Variants in POLD2 observed in about 807,000 individuals in gnomAD.
POLD2 encodes DNA polymerase delta 2, accessory subunit.
In POLD2, 31 loss-of-function variants were observed where a neutral mutation model predicts 48.8. That is an observed-to-expected ratio of 0.64 (90% confidence interval 0.48 to 0.86). The LOEUF is 0.86. Among genes scored for constraint, POLD2 ranks in the 40% least tolerant of loss-of-function variants. POLD2 has a pLI of 0.00. For synonymous variants in POLD2, 233 were observed against 256.3 expected, an observed-to-expected ratio of 0.91 and a Z score of 0.87; for missense variants, 455 against 610.1, an observed-to-expected ratio of 0.75 and a Z score of 2.68.
chr7:44,115,056 A>G, intron 10 of POLD2, 111 bp from the exon 11 acceptor site: 1 of 991,768 alleles, frequency 1.0e-6, no homozygotes, highest in Non-Finnish European at 1.5e-6. Context: ...GGGCAGTGAC[A>G]ATAGGAGACC....
At chr7:44,123,680 C>T (rs1055355662), upstream of POLD2, 49 of 1,356,878 alleles carry the variant, frequency 3.6e-5, no homozygotes, top group Admixed American at 2.8e-4. Flanking sequence ...TGCGCCCAGT[C>T]CCTGGGACGC....
chr7:44,114,849 G>T lies in POLD2; in HGVS notation c.1346C>A (p.Pro449His), dbSNP rs749139456. ...LVNLRSLACQPISFSGFGAED... is the reference protein window; with the variant it reads ...LVNLRSLACQHISFSGFGAED... Reference sequence around the variant, plus strand: ...TGCCCCGAAGCCCGAGAAGCTGATGGGCTGGCAGGCCAGGCTGCGCAGGTT... The same window carrying T: ...TGCCCCGAAGCCCGAGAAGCTGATGTGCTGGCAGGCCAGGCTGCGCAGGTT... The change falls in exon 11 of 11, where the codon CCC becomes CAC. Residue 449 changes from proline to histidine, a missense_variant. Coordinates refer to ENST00000610533, the MANE Select transcript of POLD2 (RefSeq NM_006230.4). 6.2e-7 allele frequency: 1 copy of T among 1,614,016 alleles called. No individual in the cohort carries two copies. Among genetic ancestry groups the T allele is most frequent in the Non-Finnish European group, 8.5e-7 (1 of 1,179,906 alleles).
upstream of POLD2, chr7:44,123,678 G>T: frequency 7.4e-7 from 1 of 1,359,460 alleles, no homozygotes; most frequent in African/African-American, 1.5e-5. Context: ...TGTGCGCCCA[G>T]TCCCTGGGAC....
rs111931363 is a variant in POLD2, at chr7:44,115,644, TCTC to T, written c.1147+119_1147+121del. 8.4e-4 allele frequency: 961 copies of T among 1,145,480 alleles called. 3 individuals carry two copies. In the African/African-American group the frequency reaches 0.013, roughly 16 times the overall value. The allele number at this position is 1,145,480 out of a possible 1,614,324, so 71.0% of individuals were successfully genotyped here. ...AGAGCAGGTGCCAAGCCTCTGAACTTCTCCTCAGACAGTTCTCAGCAATGCTGG... is the reference window on the plus strand; with the variant it reads ...AGAGCAGGTGCCAAGCCTCTGAACTTCTCAGACAGTTCTCAGCAATGCTGG... On this transcript the variant is annotated intron_variant, in intron 9 of 10. Transcript: ENST00000610533.
chr7:44,116,343 C>T lies in POLD2; in HGVS notation c.862-71G>A. 4.4e-6 allele frequency: 7 copies of T among 1,599,584 alleles called. No homozygotes were observed. The highest frequency in any genetic ancestry group is 5.1e-6 in the Non-Finnish European group (6 of 1,170,530). On this transcript the variant is annotated intron_variant, in intron 7 of 10. Transcript: ENST00000610533. This position sits in a 1 kb window ranked among gnomAD's most constrained non-coding sequence, Gnocchi z 6.1. The stretch of plus-strand genomic sequence containing the variant: ...CCCCTACACCAACTCCGGCCACTCC[C>T]CCTGCCCTCCTGCCTGCCTTCTGTT...
intron 2 of POLD2, among the ~76,000 whole-genome samples, chr7:44,120,255 C>T (rs190413744): frequency 1.3e-5 from 2 of 152,338 alleles, no homozygotes; most frequent in East Asian, 1.9e-4. Flanking sequence ...AAATCGCTAT[C>T]GTCCATCACT....
In POLD2 at chr7:44,116,546, C is replaced by T. The variant is rs925587327; in HGVS notation, c.781-36G>A. 7.3e-6 allele frequency: 11 copies of T among 1,514,892 alleles called. No homozygotes were observed. Among genetic ancestry groups the T allele is most frequent in the East Asian group, 4.9e-5 (2 of 41,222 alleles). The allele number at this position is 1,514,892 out of a possible 1,614,324, so 93.8% of individuals were successfully genotyped here. On this transcript the variant is annotated intron_variant, in intron 6 of 10. Transcript: ENST00000610533. The surrounding 1 kb of genome is among the most constrained non-coding windows in gnomAD (Gnocchi z 6.1). ...AGCCCAGAAGGCCATCAGGCCCAGG[C>T]GAGTCCCAGGCTCAGAGGAGAGTAG... is the stretch of plus-strand genomic sequence containing the variant.
At chr7:44,118,638 G>A (rs573394008) in intron 2 of POLD2, among the ~76,000 whole-genome samples, 10 of 152,078 alleles carry the variant, frequency 6.6e-5, no homozygotes, top group African/African-American at 1.4e-4. Flanking sequence ...TCAGCCTCCC[G>A]AGTAGCTGGG....
intron 3 of POLD2, 23 bp downstream of exon 3, chr7:44,117,920 C>A (rs1229510926): frequency 6.2e-7 from 1 of 1,611,628 alleles, no homozygotes; most frequent in Admixed American, 1.7e-5. Context: ...CTGGCGGCCC[C>A]ACTGTGTAGC....
chr7:44,116,916 C>T lies in POLD2; in HGVS notation c.681G>A (p.Gly227=). The T allele has an allele frequency of 6.2e-7, 1 of 1,613,884 alleles. No homozygotes were observed. Among genetic ancestry groups the T allele is most frequent in the Non-Finnish European group, 8.5e-7 (1 of 1,179,994 alleles). Residue 227 remains glycine, a synonymous_variant, in exon 6 of 11, where the codon GGG becomes GGA. Transcript: ENST00000610533. The surrounding 1 kb of genome is among the most constrained non-coding windows in gnomAD (Gnocchi z 6.1). ...LLVDVVTGQL[G]DEGEQCSAAH... is the part of the protein sequence containing the mutation. ...CGGCGCTGCACTGCTCCCCTTCGTC[C>T]CCAAGCTGCCCCGTCACCACATCCA... is the stretch of plus-strand genomic sequence containing the variant.
At chr7:44,123,478 C>A (rs915580252) in intron 1 of POLD2, 33 bp downstream of exon 1, 40 of 1,497,088 alleles carry the variant, frequency 2.7e-5, no homozygotes, top group South Asian at 5.0e-5. Flanking sequence ...ACTGCCACCC[C>A]CAGCTGACCC....
rs1258176104 is a variant in POLD2 at position 44,116,764 on chromosome 7, C to G, written c.780+53G>C. 12 of 1,587,850 alleles carry G rather than the reference C, an allele frequency of 7.6e-6. No homozygotes were observed. Among genetic ancestry groups the G allele is most frequent in the Non-Finnish European group, 1.0e-5 (12 of 1,160,048 alleles). ...CTCGCCCTGGGGAAGGAGGGTCTTACAGGCTTGCAGGCTCCTGGGCTGGGG... is the reference window on the plus strand; with the variant it reads ...CTCGCCCTGGGGAAGGAGGGTCTTAGAGGCTTGCAGGCTCCTGGGCTGGGG... On this transcript the variant is annotated intron_variant, in intron 6 of 10. Transcript: ENST00000610533. This position sits in a 1 kb window ranked among gnomAD's most constrained non-coding sequence, Gnocchi z 6.1.
upstream of POLD2, chr7:44,124,262 AC>A (rs1453446703): frequency 7.6e-6 from 1 of 132,364 alleles, no homozygotes; most frequent in African/African-American, 2.9e-5. Flanking sequence ...CTTTGGGAAT[AC>A]TTTTTTTTTT....
At chr7:44,118,679 ATTT>A (rs550260995) in intron 2 of POLD2, among the ~76,000 whole-genome samples, 2 of 145,540 alleles carry the variant, frequency 1.4e-5, no homozygotes, top group Non-Finnish European at 1.5e-5. Flanking sequence ...CGCCCAGCTA[ATTT>A]TTTTTTTTTT....
At chr7:44,123,341 G>A in intron 1 of POLD2, 170 bp downstream of exon 1, 2 of 1,375,772 alleles carry the variant, frequency 1.5e-6, no homozygotes, top group Non-Finnish European at 1.9e-6. Context: ...ACTCGGGATG[G>A]GGCCGAGAGC....
chr7:44,118,700 T>C (rs2096244264), intron 2 of POLD2, among the ~76,000 whole-genome samples: 1 of 151,884 alleles, frequency 6.6e-6, no homozygotes, highest in South Asian at 2.1e-4. Flanking sequence ...TTTGTATTTT[T>C]AGTAGAGACA....
At chr7:44,117,558 T>G (rs2096242131) in intron 4 of POLD2, 61 bp downstream of exon 4, 10 of 1,510,216 alleles carry the variant, frequency 6.6e-6, no homozygotes, top group Non-Finnish European at 8.1e-6. Context: ...ACACCATCCC[T>G]AACACACCAC....
At position 44,114,853 on chromosome 7, in the gene POLD2, G is replaced by A; in HGVS notation, c.1342C>T (p.Gln448Ter). Residue 448 changes from glutamine to a stop codon, truncating the protein, a stop_gained, in exon 11 of 11, where the codon CAG (glutamine) becomes TAG (stop). Transcript: ENST00000610533. LOFTEE classifies it high-confidence loss of function. Reference protein sequence around the residue: ...CLVNLRSLACQPISFSGFGAE... With the variant: ...CLVNLRSLAC ...CCGAAGCCCGAGAAGCTGATGGGCT[G>A]GCAGGCCAGGCTGCGCAGGTTCACA... 6.2e-7 allele frequency: 1 copy of A among 1,613,926 alleles called. No homozygotes were observed. Among genetic ancestry groups the A allele is most frequent in the Non-Finnish European group, 8.5e-7 (1 of 1,179,886 alleles).
intron 4 of POLD2, 25 bp from the exon 5 acceptor site, chr7:44,117,272 G>A: frequency 6.4e-7 from 1 of 1,554,780 alleles, no homozygotes; most frequent in South Asian, 1.1e-5. Flanking sequence ...CATCAGGCCT[G>A]AGCAGGGAGC....
Sources: allele counts gnomAD v4.1 joint callset (sites outside exome capture counted in the v4.1 genomes callset), GRCh38; gene constraint gnomAD v4.1.1; non-coding constraint Gnocchi (gnomAD v3.1); transcripts MANE v1.5; gene names NCBI Gene and HGNC (gene_info 2026-07-23, HGNC 2026-07-21).